AGBL2: variants seen among roughly 807,000 people sequenced by gnomAD.
The protein encoded by AGBL2 is AGBL carboxypeptidase 2.
Under a neutral mutation model 103.0 loss-of-function variants are expected in AGBL2, and 87 were observed. The ratio of observed to expected loss-of-function variants is 0.84; its 90% confidence interval spans 0.71 to 1.01. AGBL2 has a LOEUF of 1.01. Among genes scored for constraint, AGBL2 ranks in the 50% least tolerant of loss-of-function variants. AGBL2 has a pLI of 0.00. For synonymous variants in AGBL2, 335 were observed against 356.7 expected (o/e 0.94, Z 0.69); for missense variants, 904 against 1,023.5 (o/e 0.88, Z 1.59).
intron 7 of AGBL2, among the ~76,000 whole-genome samples, chr11:47,704,008 A>G (rs892348692): frequency 6.6e-6 from 1 of 150,638 alleles, no homozygotes. Flanking sequence ...GGGCTTAGGC[A>G]GGAGAATCAC....
At chr11:47,714,078 T>G (rs1222070401) in intron 3 of AGBL2, 1 of 553,064 alleles carries the variant, frequency 1.8e-6, no homozygotes, top group African/African-American at 1.9e-5. Flanking sequence ...AACAGACCTT[T>G]GTATTAAGTG....
intron 11 of AGBL2, among the ~76,000 whole-genome samples, chr11:47,683,046 AAAAAG>A (rs899540033): frequency 2.0e-5 from 3 of 152,056 alleles, no homozygotes; most frequent in Non-Finnish European, 2.9e-5. Flanking sequence ...GAGAAGAGAA[AAAAAG>A]AAAAGAAAAA....
intron 10 of AGBL2, among the ~76,000 whole-genome samples, chr11:47,686,741 A>G (rs2097425277): frequency 6.6e-6 from 1 of 151,376 alleles, no homozygotes; most frequent in African/African-American, 2.4e-5. Flanking sequence ...TGGGTGGATC[A>G]CCTGAGGTTA....
At position 47,660,010 on chromosome 11, in the gene AGBL2, A is replaced by G; in HGVS notation, c.*163T>C. 1 of 604,092 alleles carries G rather than the reference A, an allele frequency of 1.7e-6. No individual in the cohort carries two copies. The highest frequency in any genetic ancestry group is 2.6e-6 in the Non-Finnish European group (1 of 382,450). 37.4% of individuals were successfully genotyped at this position (604,092 alleles called of 1,614,324 possible). On this transcript the variant is annotated 3_prime_UTR_variant, in exon 19 of 19. Transcript: ENST00000525123. ...AATTCATGAGGTATGCATCTTGACCACATGCCCACAGTGTAAGTACAAAGT... is the reference window on the plus strand; with the variant it reads ...AATTCATGAGGTATGCATCTTGACCGCATGCCCACAGTGTAAGTACAAAGT...
At chr11:47,663,543 C>T (rs2153802527) in intron 17 of AGBL2, among the ~76,000 whole-genome samples, 1 of 151,134 alleles carries the variant, frequency 6.6e-6, no homozygotes, top group South Asian at 2.1e-4. Flanking sequence ...ACAGTGAGGC[C>T]TCATTATAGT....
chr11:47,698,428 TC>T (rs2097485368), intron 8 of AGBL2, among the ~76,000 whole-genome samples: 1 of 152,212 alleles, frequency 6.6e-6, no homozygotes, highest in Non-Finnish European at 1.5e-5. Flanking sequence ...TGCCTCGGCC[TC>T]CCAAAGTGCT....
intron 17 of AGBL2, among the ~76,000 whole-genome samples, chr11:47,666,446 T>A (rs562849699): frequency 6.6e-6 from 1 of 150,800 alleles, no homozygotes; most frequent in African/African-American, 2.4e-5. Flanking sequence ...AACTATAAAG[T>A]ACTAAACATT....
chr11:47,714,363 C>A lies in AGBL2; in HGVS notation c.34-16G>T. 2 of 1,607,240 alleles carry A rather than the reference C, an allele frequency of 1.2e-6. No homozygotes were observed. The highest frequency in any genetic ancestry group is 1.1e-5 in the South Asian group (1 of 90,902). ...CAGGAATAGTCTGTGAAAGGAAAGG[C>A]CACTTCAATCAAGATAATGTTTTCA... On this transcript the variant is annotated splice_polypyrimidine_tract_variant and intron_variant, in intron 2 of 18. Coordinates refer to ENST00000525123, the MANE Select transcript of AGBL2 (RefSeq NM_024783.4).
chr11:47,678,343 A>ATTATTTTTTTTTTTTTTTTT (rs2097385523), intron 13 of AGBL2, among the ~76,000 whole-genome samples: 71 of 116,778 alleles, frequency 6.1e-4, no homozygotes, highest in Middle Eastern at 9.4e-3. Flanking sequence ...TTATTATTTT[A>ATTATTTTTTTTTTTTTTTTT]TTTTTTTTGA....
chr11:47,660,361 T>C lies in AGBL2; in HGVS notation c.2536-15A>G. ...GGCTTCTTATTCTGTGCAAATAAGA[T>C]TTTAAAAAGTTGAATTCAGTTTATT... On this transcript the variant is annotated splice_polypyrimidine_tract_variant and intron_variant, in intron 18 of 18. Transcript: ENST00000525123. The C allele has an allele frequency of 6.3e-7, 1 of 1,587,006 alleles. No homozygotes were observed. Among genetic ancestry groups the C allele is most frequent in the African/African-American group, 1.4e-5 (1 of 73,698 alleles).
At chr11:47,661,791 G>C (rs2097328750) in intron 18 of AGBL2, among the ~76,000 whole-genome samples, 1 of 150,766 alleles carries the variant, frequency 6.6e-6, no homozygotes, top group Non-Finnish European at 1.5e-5. Flanking sequence ...GTCTCACTCT[G>C]TCGCCCAGGC....
chr11:47,712,765 C>T (rs781091251), intron 3 of AGBL2, among the ~76,000 whole-genome samples: 1 of 151,656 alleles, frequency 6.6e-6, no homozygotes, highest in Non-Finnish European at 1.5e-5. Context: ...TTAGGCCGAG[C>T]GTGGTGGCTC....
rs1440515781 is a variant in AGBL2, at chr11:47,678,343, A to ATTTTTTTTTTT, written c.2017-943_2017-942insAAAAAAAAAAA. ...TTATTTTATTTTATTTTATTATTTT[A>ATTTTTTTTTTT]TTTTTTTTGAGACGGAGTCTTGCTC... On this transcript the variant is annotated intron_variant, in intron 13 of 18. Transcript: ENST00000525123. Among the ~76,000 whole-genome samples, 10 of 116,848 alleles carry ATTTTTTTTTTT rather than the reference A, an allele frequency of 8.6e-5. No individual in the cohort carries two copies. In the South Asian group the frequency reaches 1.1e-3, roughly 13 times the overall value. The allele number at this position is 116,848 out of a possible 152,430, so 76.7% of individuals were successfully genotyped here.
chr11:47,680,809 A>ACAAAACAAAG (rs1554953964), intron 12 of AGBL2, among the ~76,000 whole-genome samples: 1 of 151,830 alleles, frequency 6.6e-6, no homozygotes, highest in Non-Finnish European at 1.5e-5. Context: ...ACAAAACAAA[A>ACAAAACAAAG]CAAAACAAAA....
In AGBL2 at chr11:47,659,670, T is replaced by G. The variant is rs922530173; in HGVS notation, c.*503A>C. The G allele has an allele frequency of 6.6e-6, 1 of 152,368 alleles. No homozygotes were observed. The highest frequency in any genetic ancestry group is 2.4e-5 in the African/African-American group (1 of 41,460). 9.4% of individuals were successfully genotyped at this position (152,368 alleles called of 1,614,324 possible). On this transcript the variant is annotated 3_prime_UTR_variant, in exon 19 of 19. Coordinates refer to ENST00000525123, the MANE Select transcript of AGBL2 (RefSeq NM_024783.4). ...ACATAAGGTACGCAACATTAAATTC[T>G]GGGTAATACATGCATTGTTATTTCT...
rs2097329240 is a variant in AGBL2, at chr11:47,661,983, A to AG, written c.2535+1042dup. 2.6e-5 allele frequency among the ~76,000 whole-genome samples: 4 copies of AG among 151,820 alleles called. 1 individual carries two copies. In the South Asian group the frequency reaches 8.3e-4, roughly 32 times the overall value. ...AGGCTGGTCTCGAACTCCTGACCTC[A>AG]GGTTATCCGCCCACCTCGGCCTCCC... is the stretch of plus-strand genomic sequence containing the variant. On this transcript the variant is annotated intron_variant, in intron 18 of 18. Transcript: ENST00000525123.
At position 47,668,486 on chromosome 11, in the gene AGBL2, GACAA is replaced by G. The variant is rs1204022203; in HGVS notation, c.2214+351_2214+354del. On this transcript the variant is annotated intron_variant, in intron 15 of 18. Transcript: ENST00000525123. The stretch of plus-strand genomic sequence containing the variant: ...GACAGAGCAAGACTCCATCTCAAAA[GACAA>G]ACAAACAAACAAAAAAACACAAAGG... 9.2e-5 allele frequency among the ~76,000 whole-genome samples: 14 copies of G among 151,994 alleles called. No homozygotes were observed. In the East Asian group the frequency reaches 1.2e-3, roughly 13 times the overall value.
intron 17 of AGBL2, 37 bp downstream of exon 17, chr11:47,666,919 A>T: frequency 1.5e-6 from 2 of 1,305,786 alleles, no homozygotes; most frequent in Non-Finnish European, 2.2e-6. Context: ...GAGGTTAGAG[A>T]ATCTGTGTGA....
intron 7 of AGBL2, among the ~76,000 whole-genome samples, chr11:47,701,321 A>G (rs1280326598): frequency 1.3e-5 from 2 of 151,406 alleles, no homozygotes; most frequent in Admixed American, 1.3e-4. Flanking sequence ...AAAGTAAAAA[A>G]TTAGCCAGGC....
Sources: allele counts gnomAD v4.1 joint callset (sites outside exome capture counted in the v4.1 genomes callset), GRCh38; gene constraint gnomAD v4.1.1; transcripts MANE v1.5; gene names NCBI Gene and HGNC (gene_info 2026-07-23, HGNC 2026-07-21).